The following TECR variants were observed in gnomAD, a reference collection of about 807,000 sequenced individuals.
TECR encodes trans-2,3-enoyl-CoA reductase.
TECR carries 19 observed loss-of-function variants against 50.6 expected under a neutral mutation model. The observed-to-expected ratio is 0.38, with a 90% CI of 0.26 to 0.55. The LOEUF is 0.55. Ranked by LOEUF, TECR falls within the 20% of genes least tolerant of loss-of-function variation. TECR has a pLI of 0.79. For missense variants in TECR, 313 were observed against 408.3 expected (o/e 0.77, Z 2.01); for synonymous variants, 168 against 163.5 (o/e 1.03, Z -0.21).
chr19:14,537,124 T>G, intron 1 of TECR, among the ~76,000 whole-genome samples: 1 of 104,530 alleles, frequency 9.6e-6, no homozygotes, highest in Non-Finnish European at 1.9e-5. Flanking sequence ...GTGGAGGAGG[T>G]GGTTCCTGAG....
intron 1 of TECR, among the ~76,000 whole-genome samples, chr19:14,551,979 CTTT>C (rs754053975): frequency 1.1e-5 from 1 of 89,718 alleles, no homozygotes; most frequent in Non-Finnish European, 2.1e-5. Flanking sequence ...CTCTTTCTCT[CTTT>C]TTTTTTTTTT....
chr19:14,558,580 G>T (rs1318023030), intron 1 of TECR, among the ~76,000 whole-genome samples: 2 of 152,160 alleles, frequency 1.3e-5, no homozygotes, highest in Non-Finnish European at 2.9e-5. Context: ...GGCCGGCAGA[G>T]CCACCAGCCT....
intron 1 of TECR, among the ~76,000 whole-genome samples, chr19:14,539,140 ATTTTTTTTTTTTT>A (rs57801378): frequency 4.4e-4 from 41 of 92,546 alleles, no homozygotes; most frequent in African/African-American, 1.2e-3. Flanking sequence ...CGCCCGGCTA[ATTTTTTTTTTTTT>A]TTTTTTTTTT....
chr19:14,563,096 C>A lies in TECR; in HGVS notation c.67-110C>A. The stretch of plus-strand genomic sequence containing the variant: ...GAGGCCTGGACCCCAGCCCTTCCCC[C>A]TTCCCATAGCTACAGCCCAACCCCC... On this transcript the variant is annotated intron_variant, in intron 2 of 12. Transcript: ENST00000215567. This position sits in a 1 kb window ranked among gnomAD's most constrained non-coding sequence, Gnocchi z 5.3. 3 of 1,413,568 alleles carry A rather than the reference C, an allele frequency of 2.1e-6. No individual in the cohort carries two copies. The highest frequency in any genetic ancestry group is 3.0e-6 in the Non-Finnish European group (3 of 1,015,608). The allele number at this position is 1,413,568 out of a possible 1,614,324, so 87.6% of individuals were successfully genotyped here.
At chr19:14,559,463 C>G (rs1396968174) in intron 1 of TECR, among the ~76,000 whole-genome samples, 1 of 152,200 alleles carries the variant, frequency 6.6e-6, no homozygotes, top group Non-Finnish European at 1.5e-5. Context: ...TTTTACCCCA[C>G]CTGGAATATC....
At chr19:14,537,179 A>G (rs898840880) in intron 1 of TECR, among the ~76,000 whole-genome samples, 139 of 67,614 alleles carry the variant, frequency 2.1e-3, no homozygotes, top group African/African-American at 5.7e-3. Context: ...GCCGGGGGGG[A>G]AGGGGAGGCC....
chr19:14,556,590 T>C (rs1244586053), intron 1 of TECR, among the ~76,000 whole-genome samples: 1 of 151,966 alleles, frequency 6.6e-6, no homozygotes, highest in Non-Finnish European at 1.5e-5. Flanking sequence ...TTTTTTTCAC[T>C]GCCATATCCC....
chr19:14,554,379 A>G (rs1458473233), intron 1 of TECR, among the ~76,000 whole-genome samples: 1 of 152,168 alleles, frequency 6.6e-6, no homozygotes, highest in Non-Finnish European at 1.5e-5. Flanking sequence ...CCCAGAATCC[A>G]AGCTTCCCGC....
intron 1 of TECR, among the ~76,000 whole-genome samples, chr19:14,560,146 C>T (rs910622132): frequency 6.6e-6 from 1 of 152,230 alleles, no homozygotes; most frequent in Non-Finnish European, 1.5e-5. Context: ...AGCCCGGCGT[C>T]CTCTCCCAGC....
chr19:14,539,811 C>T (rs73002847), intron 1 of TECR, among the ~76,000 whole-genome samples: 49,776 of 151,784 alleles, frequency 0.33, 8,803 homozygotes, highest in Non-Finnish European at 0.41. Context: ...AGTCCAACCC[C>T]TTGCCTGTCA....
intron 1 of TECR, among the ~76,000 whole-genome samples, chr19:14,550,423 A>AGCTCCTCCT (rs1226463343): frequency 6.6e-6 from 1 of 152,054 alleles, no homozygotes; most frequent in Non-Finnish European, 1.5e-5. Context: ...GGCCCGGATG[A>AGCTCCTCCT]GCTCCTCCTG....
chr19:14,535,594 GTA>G (rs2072869660), intron 1 of TECR, among the ~76,000 whole-genome samples: 1 of 38,906 alleles, frequency 2.6e-5, no homozygotes, highest in African/African-American at 6.9e-5. Flanking sequence ...ATATATGTAT[GTA>G]TATATAAATT....
intron 1 of TECR, among the ~76,000 whole-genome samples, chr19:14,557,228 C>T (rs970056106): frequency 2.6e-5 from 4 of 151,390 alleles, no homozygotes; most frequent in East Asian, 1.9e-4. Flanking sequence ...CAACCTCCAC[C>T]GTCCTGAGTT....
At chr19:14,553,954 C>T (rs1025693682) in intron 1 of TECR, among the ~76,000 whole-genome samples, 7 of 152,182 alleles carry the variant, frequency 4.6e-5, no homozygotes, top group African/African-American at 1.7e-4. Flanking sequence ...TCTTGTGCCC[C>T]AGACTCGGGA....
chr19:14,529,486 C>G (rs1389592453), upstream of TECR: 2 of 695,592 alleles, frequency 2.9e-6, no homozygotes, highest in African/African-American at 3.5e-5. Flanking sequence ...TAGTCCTAGT[C>G]TTGGTTCGGA....
Position 14,563,494 on chromosome 19 carries a change from C to A in TECR, c.119-164C>A. 1.0e-6 allele frequency: 1 copy of A among 962,864 alleles called. No homozygotes were observed. 59.6% of individuals were successfully genotyped at this position (962,864 alleles called of 1,614,324 possible). A position where few individuals can be genotyped will look rare whatever the true frequency, so the allele number is the denominator to read the frequency against. ...CTGCCCGCGCTCTTCTGGCTTGTGT[C>A]CTGAAACCGCACAAGCCTGAGGGTT... On this transcript the variant is annotated intron_variant, in intron 3 of 12. Transcript: ENST00000215567. This position sits in a 1 kb window ranked among gnomAD's most constrained non-coding sequence, Gnocchi z 5.3.
intron 1 of TECR, among the ~76,000 whole-genome samples, chr19:14,545,538 C>T (rs949858741): frequency 2.0e-5 from 3 of 152,222 alleles, no homozygotes; most frequent in South Asian, 2.1e-4. Flanking sequence ...CTCAGTCGTG[C>T]GCACTGTCAT....
At chr19:14,529,387 A>G (rs1200173133), upstream of TECR, 3 of 547,304 alleles carry the variant, frequency 5.5e-6, no homozygotes, top group South Asian at 2.0e-5. Context: ...GGATTGGTGG[A>G]TGGTCAAGCC....
chr19:14,556,526 C>G (rs1368202356), intron 1 of TECR, among the ~76,000 whole-genome samples: 2 of 152,276 alleles, frequency 1.3e-5, no homozygotes, highest in Non-Finnish European at 2.9e-5. Context: ...CCCCTGCTTG[C>G]CCAGCACGCA....
Sources: allele counts gnomAD v4.1 joint callset (sites outside exome capture counted in the v4.1 genomes callset), GRCh38; gene constraint gnomAD v4.1.1; non-coding constraint Gnocchi (gnomAD v3.1); transcripts MANE v1.5; gene names NCBI Gene and HGNC (gene_info 2026-07-23, HGNC 2026-07-21).